The following DNAH9 variants were observed in gnomAD, a reference collection of about 807,000 sequenced individuals.
DNAH9 encodes the protein DNAH9 variant protein.
Under a neutral mutation model 471.6 loss-of-function variants are expected in DNAH9, and 345 were observed. That is an observed-to-expected ratio of 0.73 (90% CI 0.67 to 0.80). The LOEUF is 0.80. Ranked by LOEUF, DNAH9 falls within the 30% of genes least tolerant of loss-of-function variation. The pLI, the probability that DNAH9 is intolerant of heterozygous loss-of-function variation, is 0.00. For missense variants in DNAH9, 5,407 were observed against 5,609.2 expected, an observed-to-expected ratio of 0.96 and a Z score of 1.15; for synonymous variants, 2,093 against 2,123.6, an observed-to-expected ratio of 0.99 and a Z score of 0.40.
chr17:11,704,878 T>C, intron 25 of DNAH9, 147 bp from the exon 26 acceptor site: 1 of 704,172 alleles, frequency 1.4e-6, no homozygotes, highest in Non-Finnish European at 2.5e-6. Context: ...TCAGAGCAGC[T>C]TGTGCTTTCT....
intron 45 of DNAH9, among the ~76,000 whole-genome samples, chr17:11,817,254 GA>G (rs1441014560): frequency 2.0e-5 from 3 of 152,118 alleles, no homozygotes; most frequent in African/African-American, 7.2e-5. Flanking sequence ...GAACAAATAT[GA>G]AAATGCAAAT....
At chr17:11,829,587 T>C (rs1970618768) in intron 48 of DNAH9, among the ~76,000 whole-genome samples, 1 of 152,194 alleles carries the variant, frequency 6.6e-6, no homozygotes, top group South Asian at 2.1e-4. Flanking sequence ...TTCTCATGCC[T>C]CAGCCTCTGA....
At chr17:11,943,671 C>T (rs1215542202) in intron 67 of DNAH9, among the ~76,000 whole-genome samples, 7 of 151,762 alleles carry the variant, frequency 4.6e-5, no homozygotes, top group Non-Finnish European at 5.9e-5. Context: ...AGCAAGACTC[C>T]GTCTCAAAAA....
chr17:11,652,260 A>C (rs1341538577), intron 13 of DNAH9, among the ~76,000 whole-genome samples: 1 of 143,136 alleles, frequency 7.0e-6, no homozygotes, highest in African/African-American at 2.6e-5. Context: ...CTCCATAATC[A>C]GGATTATGGT....
chr17:11,842,466 A>C (rs987347354), intron 49 of DNAH9, among the ~76,000 whole-genome samples: 4 of 152,232 alleles, frequency 2.6e-5, no homozygotes, highest in Non-Finnish European at 5.9e-5. Context: ...ATTGACTCCT[A>C]CCATTGCAAA....
At chr17:11,683,566 G>A (rs1382377450) in intron 19 of DNAH9, among the ~76,000 whole-genome samples, 2 of 152,206 alleles carry the variant, frequency 1.3e-5, no homozygotes, top group Non-Finnish European at 2.9e-5. Context: ...GCTTGAAAGG[G>A]AAACAACATT....
intron 7 of DNAH9, among the ~76,000 whole-genome samples, chr17:11,630,869 T>C (rs2073052972): frequency 6.6e-6 from 1 of 152,212 alleles, no homozygotes; most frequent in Non-Finnish European, 1.5e-5. Flanking sequence ...TCACAGTGTA[T>C]ACATGTATCA....
At chr17:11,726,279 G>C (rs2075150479) in intron 27 of DNAH9, among the ~76,000 whole-genome samples, 1 of 152,074 alleles carries the variant, frequency 6.6e-6, no homozygotes, top group Non-Finnish European at 1.5e-5. Context: ...ATAATTGCCA[G>C]AGTGCATTCT....
chr17:11,842,847 C>T (rs1567841079), intron 49 of DNAH9, among the ~76,000 whole-genome samples: 1 of 152,216 alleles, frequency 6.6e-6, no homozygotes, highest in African/African-American at 2.4e-5. Context: ...AAGTGTTAAT[C>T]TCCTTTGGCA....
At chr17:11,656,235 ATTTG>A (rs1193853356) in intron 14 of DNAH9, among the ~76,000 whole-genome samples, 1 of 151,606 alleles carries the variant, frequency 6.6e-6, no homozygotes, top group Non-Finnish European at 1.5e-5. Flanking sequence ...TATTTCTTTT[ATTTG>A]TTTGGTTATG....
chr17:11,729,871 A>G (rs186937877), intron 28 of DNAH9, among the ~76,000 whole-genome samples: 1 of 152,308 alleles, frequency 6.6e-6, no homozygotes, highest in East Asian at 1.9e-4. Context: ...GCAAACGCAA[A>G]GCTGAACAGC....
At chr17:11,609,614 A>G (rs1304035222) in intron 2 of DNAH9, among the ~76,000 whole-genome samples, 2 of 152,198 alleles carry the variant, frequency 1.3e-5, no homozygotes, top group East Asian at 3.9e-4. Flanking sequence ...TGTGAATTGT[A>G]TGTCCTCTTT....
chr17:11,883,740 T>C lies in DNAH9; in HGVS notation c.10961T>C (p.Val3654Ala), dbSNP rs955416160. Residue 3654 changes from valine (V) to alanine (A), a missense_variant, in exon 56 of 69, where the codon GTT becomes GCT. Transcript: ENST00000262442. ...ATCACCAAGCAGACTGCTGCCGAAG[T>C]TGAGAAAAAGGTAAAACTCCTCTGG... ...LEITKQTAAE[V>A]EKKVQEAKVT... 2 of 1,613,578 alleles carry C rather than the reference T, an allele frequency of 1.2e-6. No individual in the cohort carries two copies. The highest frequency in any genetic ancestry group is 1.7e-6 in the Non-Finnish European group (2 of 1,179,870).
At chr17:11,906,695 G>A (rs999452155) in intron 61 of DNAH9, among the ~76,000 whole-genome samples, 2 of 151,722 alleles carry the variant, frequency 1.3e-5, no homozygotes, top group African/African-American at 4.8e-5. Context: ...CCATAAAAAG[G>A]AATGAGATCA....
intron 28 of DNAH9, among the ~76,000 whole-genome samples, chr17:11,729,706 T>C (rs1337581979): frequency 6.6e-6 from 1 of 152,152 alleles, no homozygotes; most frequent in Non-Finnish European, 1.5e-5. Flanking sequence ...AGGTCATCCC[T>C]GGCGGGGAAA....
In DNAH9 at chr17:11,943,631, C is replaced by T. The variant is rs568373680; in HGVS notation, c.12843+1146C>T. The stretch of plus-strand genomic sequence containing the variant: ...GGCGGAGCTTGCAGTGAGCCGAGAT[C>T]GCACCGCTGCACTCCAGCCTGGGTG... On this transcript the variant is annotated intron_variant, in intron 67 of 68. Coordinates refer to ENST00000262442, the MANE Select transcript of DNAH9 (RefSeq NM_001372.4). Among the ~76,000 whole-genome samples, 841 of 152,142 alleles carry T rather than the reference C, an allele frequency of 5.5e-3. 4 individuals are homozygous for T. Among genetic ancestry groups the T allele is most frequent in the Non-Finnish European group, 8.6e-3 (582 of 67,988 alleles).
At position 11,892,020 on chromosome 17, in the gene DNAH9, T is replaced by A. The variant is rs1466708352; in HGVS notation, c.11283+73T>A. The A allele has an allele frequency of 1.3e-6, 2 of 1,542,716 alleles. No homozygotes were observed. The highest frequency in any genetic ancestry group is 1.8e-6 in the Non-Finnish European group (2 of 1,126,840). Reference sequence around the variant, plus strand: ...CCCAGACAGCAGGTGTTAAGAAACTTTCTTCTTTGAACATCACTTTCCACA... The same window carrying A: ...CCCAGACAGCAGGTGTTAAGAAACTATCTTCTTTGAACATCACTTTCCACA... On this transcript the variant is annotated intron_variant, in intron 58 of 68. Coordinates refer to ENST00000262442, the MANE Select transcript of DNAH9 (RefSeq NM_001372.4). The surrounding 1 kb of genome is among the most constrained non-coding windows in gnomAD (Gnocchi z 4.3).
intron 17 of DNAH9, among the ~76,000 whole-genome samples, chr17:11,672,580 T>C (rs2073988951): frequency 1.3e-5 from 2 of 152,198 alleles, no homozygotes; most frequent in Non-Finnish European, 2.9e-5. Flanking sequence ...CTTGCTGCCA[T>C]TAGTCCCTCT....
chr17:11,818,847 A>G (rs1970203529), intron 45 of DNAH9, among the ~76,000 whole-genome samples: 1 of 151,732 alleles, frequency 6.6e-6, no homozygotes. Flanking sequence ...TTTGGGCCTC[A>G]CAGCTACTTT....
Sources: gnomAD v4.1 joint callset for allele counts (sites outside exome capture counted in the v4.1 genomes callset) on GRCh38, gnomAD v4.1.1 for gene constraint, Gnocchi (gnomAD v3.1) non-coding constraint, MANE v1.5 for transcripts, NCBI Gene and HGNC (gene_info 2026-07-23, HGNC 2026-07-21) for gene names.